Variants in BAZ2B observed in about 807,000 individuals in gnomAD.
BAZ2B encodes the protein bromodomain adjacent to zinc finger domain protein 2B.
Under a neutral mutation model 246.0 loss-of-function variants are expected in BAZ2B, and 91 were observed. The observed-to-expected ratio is 0.37, with a 90% CI of 0.31 to 0.44. The LOEUF (loss-of-function observed/expected upper bound fraction) is 0.44. BAZ2B is among the 20% of genes least tolerant of loss of function. The pLI is 1.00. For synonymous variants in BAZ2B, 855 were observed against 860.0 expected (o/e 0.99, Z 0.10); for missense variants, 2,332 against 2,533.7 (o/e 0.92, Z 1.71).
At position 159,349,755 on chromosome 2, in the gene BAZ2B, C is replaced by G. The variant is rs2058361649; in HGVS notation, c.4816G>C (p.Ala1606Pro). 2 of 1,613,858 alleles carry G rather than the reference C, an allele frequency of 1.2e-6. No individual in the cohort carries two copies. The highest frequency in any genetic ancestry group is 1.7e-6 in the Non-Finnish European group (2 of 1,179,996). Reference sequence around the variant, plus strand: ...GGATTTAAGCCAACAGGATTCTGAGCAGAAGATCCAAGAGGAGCTGGGGTA... The same window carrying G: ...GGATTTAAGCCAACAGGATTCTGAGGAGAAGATCCAAGAGGAGCTGGGGTA... ...SPTPAPLGSS[A>P]QNPVGLNPFA... is the part of the protein sequence containing the mutation. Residue 1606 changes from alanine to proline, a missense_variant, in exon 28 of 37, where the codon GCT (alanine) becomes CCT (proline). Ala to Pro is a conservative substitution (Grantham distance 27, BLOSUM62 -1). Coordinates refer to ENST00000392783, the MANE Select transcript of BAZ2B (RefSeq NM_013450.4).
intron 2 of BAZ2B, among the ~76,000 whole-genome samples, chr2:159,555,143 GGGCA>G (rs1369300768): frequency 6.7e-6 from 1 of 149,968 alleles, no homozygotes; most frequent in Non-Finnish European, 1.5e-5. Flanking sequence ...CCAGGTTGGA[GGGCA>G]GTGGCACAAT....
At chr2:159,397,000 G>T in intron 19 of BAZ2B, 1 of 1,175,476 alleles carries the variant, frequency 8.5e-7, no homozygotes, top group Non-Finnish European at 1.1e-6. Flanking sequence ...TACACTTTAT[G>T]CATTGCTATG....
chr2:159,409,747 A>C (rs11895233), intron 14 of BAZ2B, among the ~76,000 whole-genome samples: 3,780 of 152,300 alleles, frequency 0.025, 141 homozygotes, highest in East Asian at 0.091. Flanking sequence ...AAAAATGCAA[A>C]CAATACTCCA....
At chr2:159,397,154 A>G (rs962949361) in intron 19 of BAZ2B, 191 bp downstream of exon 19, 48 of 1,471,844 alleles carry the variant, frequency 3.3e-5, no homozygotes, top group African/African-American at 4.2e-5. Context: ...GAGTCATAAA[A>G]CCAATTTTTT....
intron 2 of BAZ2B, among the ~76,000 whole-genome samples, chr2:159,524,278 A>G (rs941585892): frequency 6.6e-6 from 1 of 152,058 alleles, no homozygotes; most frequent in African/African-American, 2.4e-5. Flanking sequence ...AAAATTAGCC[A>G]GGTATTAAAA....
chr2:159,474,371 G>A (rs1411485277), intron 3 of BAZ2B, among the ~76,000 whole-genome samples: 2 of 152,150 alleles, frequency 1.3e-5, no homozygotes, highest in African/African-American at 4.8e-5. Context: ...CAGAGAGCAG[G>A]ACTGCAACCC....
the BAZ2B span, among the ~76,000 whole-genome samples, chr2:159,661,321 G>A: frequency 6.6e-6 from 1 of 152,150 alleles, no homozygotes; most frequent in African/African-American, 2.4e-5. Flanking sequence ...ATATACTACA[G>A]TTTCTTTATT....
At chr2:159,507,879 C>CTTAT (rs1481463813) in intron 2 of BAZ2B, among the ~76,000 whole-genome samples, 1 of 151,980 alleles carries the variant, frequency 6.6e-6, no homozygotes, top group East Asian at 1.9e-4. Context: ...ACGTAAGTTA[C>CTTAT]TTATTTATTT....
chr2:159,705,823 C>T, the BAZ2B span, among the ~76,000 whole-genome samples: 4 of 151,852 alleles, frequency 2.6e-5, no homozygotes, highest in African/African-American at 9.7e-5. Context: ...ACACATTTTA[C>T]CATCTAAACC....
chr2:159,629,011 A>C, the BAZ2B span, among the ~76,000 whole-genome samples: 3 of 152,226 alleles, frequency 2.0e-5, no homozygotes, highest in Admixed American at 2.0e-4. Context: ...GGGGTGGGTG[A>C]AGGATGTGAA....
rs1209037492 is a variant in BAZ2B, at chr2:159,438,583, T to C, written c.1013A>G (p.His338Arg). Residue 338 changes from histidine (H) to arginine (R), a missense_variant, in exon 8 of 37, where the codon CAC becomes CGC. Coordinates refer to ENST00000392783, the MANE Select transcript of BAZ2B (RefSeq NM_013450.4). ...CTGCTTCTGCTGGGATTGGAATGAG[T>C]GAGTCTGGGATTCAGACGCAAGAGG... Reference protein sequence around the residue: ...PLPLASESQTHSFQSQQKQPQ... With the variant: ...PLPLASESQTRSFQSQQKQPQ... 3.1e-6 allele frequency: 5 copies of C among 1,614,142 alleles called. No individual in the cohort carries two copies. Among genetic ancestry groups the C allele is most frequent in the Admixed American group, 1.7e-5 (1 of 60,030 alleles).
the BAZ2B span, chr2:159,690,424 T>G: frequency 6.2e-6 from 1 of 160,492 alleles, no homozygotes; most frequent in African/African-American, 2.4e-5. Flanking sequence ...TACTTCTGGT[T>G]ACATTTATTC....
At chr2:159,380,525 C>T (rs2061876201) in intron 25 of BAZ2B, among the ~76,000 whole-genome samples, 1 of 152,194 alleles carries the variant, frequency 6.6e-6, no homozygotes, top group Non-Finnish European at 1.5e-5. Context: ...CTTAACATAG[C>T]AGGCCTGATT....
intron 3 of BAZ2B, among the ~76,000 whole-genome samples, chr2:159,475,482 G>A (rs1429481175): frequency 6.6e-6 from 1 of 151,930 alleles, no homozygotes; most frequent in African/African-American, 2.4e-5. Context: ...TAGCTTCATC[G>A]CATTGGTTTA....
chr2:159,477,973 C>T (rs1299625589), intron 3 of BAZ2B, among the ~76,000 whole-genome samples: 1 of 152,176 alleles, frequency 6.6e-6, no homozygotes, highest in African/African-American at 2.4e-5. Context: ...CAGGCATGCG[C>T]CACCATGCCT....
chr2:159,345,329 G>C (rs2067599320), intron 31 of BAZ2B, among the ~76,000 whole-genome samples: 1 of 110,532 alleles, frequency 9.0e-6, no homozygotes, highest in Non-Finnish European at 1.9e-5. Flanking sequence ...GCTAAAGGAG[G>C]ATATTATTCT....
intron 1 of BAZ2B, among the ~76,000 whole-genome samples, chr2:159,597,762 T>C (rs1691084305): frequency 1.3e-5 from 2 of 152,308 alleles, no homozygotes; most frequent in South Asian, 4.1e-4. Flanking sequence ...AGCCAGGTTT[T>C]CCCTTCTATG....
chr2:159,643,947 A>C, the BAZ2B span, among the ~76,000 whole-genome samples: 1 of 151,620 alleles, frequency 6.6e-6, no homozygotes, highest in Non-Finnish European at 1.5e-5. Flanking sequence ...CCCAAGTCTC[A>C]TTTAAATATT....
At chr2:159,379,851 T>C (rs1454479972) in intron 25 of BAZ2B, among the ~76,000 whole-genome samples, 1 of 152,226 alleles carries the variant, frequency 6.6e-6, no homozygotes, top group African/African-American at 2.4e-5. Context: ...CTAAGAGCTC[T>C]TAGCATTGAG....
Sources: gnomAD v4.1 joint callset for allele counts (sites outside exome capture counted in the v4.1 genomes callset) on GRCh38, gnomAD v4.1.1 for gene constraint, MANE v1.5 for transcripts, NCBI Gene and HGNC (gene_info 2026-07-23, HGNC 2026-07-21) for gene names.